RSBN1L: variants seen among roughly 807,000 people sequenced by gnomAD.
RSBN1L encodes lysine-specific demethylase RSBN1L.
RSBN1L carries 30 observed loss-of-function variants against 67.7 expected under a neutral mutation model. That is an observed-to-expected ratio of 0.44 (90% CI 0.33 to 0.60). The LOEUF is 0.60. Ranked by LOEUF, RSBN1L falls within the 20% of genes least tolerant of loss-of-function variation. The pLI, the probability that RSBN1L is intolerant of heterozygous loss-of-function variation, is 0.02. For synonymous variants in RSBN1L, 433 were observed against 387.0 expected, an observed-to-expected ratio of 1.12 and a Z score of -1.39; for missense variants, 992 against 1,031.7, an observed-to-expected ratio of 0.96 and a Z score of 0.53.
chr7:77,727,904 T>A (rs1306661039), intron 1 of RSBN1L, among the ~76,000 whole-genome samples: 1 of 152,232 alleles, frequency 6.6e-6, no homozygotes. Context: ...TATATGGCTT[T>A]CTTCATTTTT....
intron 1 of RSBN1L, among the ~76,000 whole-genome samples, chr7:77,725,907 A>C (rs1243997687): frequency 6.6e-6 from 1 of 152,056 alleles, no homozygotes; most frequent in East Asian, 1.9e-4. Context: ...TTATTTTTAA[A>C]AACCTAAATA....
At chr7:77,707,931 T>C (rs560113201) in intron 1 of RSBN1L, among the ~76,000 whole-genome samples, 22 of 152,338 alleles carry the variant, frequency 1.4e-4, no homozygotes, top group African/African-American at 5.1e-4. Flanking sequence ...ACAAGTCCTT[T>C]AAAGTTTAAT....
chr7:77,779,230 T>G lies in RSBN1L; in HGVS notation c.*62T>G. 1 of 1,205,636 alleles carries G rather than the reference T, an allele frequency of 8.3e-7. No individual in the cohort carries two copies. The highest frequency in any genetic ancestry group is 1.2e-6 in the Non-Finnish European group (1 of 867,956). 74.7% of individuals were successfully genotyped at this position (1,205,636 alleles called of 1,614,324 possible). A position where few individuals can be genotyped will look rare whatever the true frequency, so the allele number is the denominator to read the frequency against. On this transcript the variant is annotated 3_prime_UTR_variant, in exon 8 of 8. Transcript: ENST00000334955. ...ATTTAATGTAATAAAGATTCATGAA[T>G]TCTGAAAGCAAGCCAAGGACTTGCT...
At chr7:77,745,579 A>G (rs1791471908) in intron 2 of RSBN1L, among the ~76,000 whole-genome samples, 3 of 152,172 alleles carry the variant, frequency 2.0e-5, no homozygotes, top group African/African-American at 7.2e-5. Context: ...GAAATGAGGG[A>G]AAGCAACATG....
At chr7:77,733,925 G>A (rs533071430) in intron 1 of RSBN1L, among the ~76,000 whole-genome samples, 1 of 152,270 alleles carries the variant, frequency 6.6e-6, no homozygotes, top group Admixed American at 6.5e-5. Context: ...TTAGGAGTTC[G>A]AGACCAGCCT....
chr7:77,781,326 CT>C lies in RSBN1L; in HGVS notation c.*2159del, dbSNP rs1360903916. ...CCATGCTCCCCACCTATTTAATCTTCTGTTTTAAGCTAAATTTATGGATTTG... is the reference window on the plus strand; with the variant it reads ...CCATGCTCCCCACCTATTTAATCTTCGTTTTAAGCTAAATTTATGGATTTG... On this transcript the variant is annotated 3_prime_UTR_variant, in exon 8 of 8. Transcript: ENST00000334955. 2.0e-5 allele frequency: 3 copies of C among 152,222 alleles called. No homozygotes were observed. Among genetic ancestry groups the C allele is most frequent in the Non-Finnish European group, 4.4e-5 (3 of 68,034 alleles). 9.4% of individuals were successfully genotyped at this position (152,222 alleles called of 1,614,324 possible). A position where few individuals can be genotyped will look rare whatever the true frequency, so the allele number is the denominator to read the frequency against.
chr7:77,764,298 T>C (rs1490059979), intron 3 of RSBN1L, among the ~76,000 whole-genome samples: 2 of 152,224 alleles, frequency 1.3e-5, no homozygotes, highest in Non-Finnish European at 2.9e-5. Context: ...TTGTTTCGCT[T>C]GAAGACAGAC....
rs1790731917 is a variant in RSBN1L at position 77,696,682 on chromosome 7, G to T, written c.213G>T (p.Pro71=). Residue 71 remains proline, a synonymous_variant, in exon 1 of 8, where the codon CCG becomes CCT. Coordinates refer to ENST00000334955, the MANE Select transcript of RSBN1L (RefSeq NM_198467.3). Reference sequence around the variant, plus strand: ...GCGGGAACAGCAGGCAGCTGCAGCCGCCGGCAGCACCTTCGCCTCAGAGCT... The same window carrying T: ...GCGGGAACAGCAGGCAGCTGCAGCCTCCGGCAGCACCTTCGCCTCAGAGCT... ...GSGGNSRQLQ[P]PAAPSPQSYG... 1 of 1,612,138 alleles carries T rather than the reference G, an allele frequency of 6.2e-7. No homozygotes were observed. Among genetic ancestry groups the T allele is most frequent in the African/African-American group, 1.3e-5 (1 of 74,930 alleles).
chr7:77,740,674 G>A (rs1791396512), intron 2 of RSBN1L, among the ~76,000 whole-genome samples: 4 of 152,160 alleles, frequency 2.6e-5, no homozygotes, highest in African/African-American at 7.2e-5. Context: ...ACGAAAATTA[G>A]TGGTAGAATT....
chr7:77,779,992 C>T lies in RSBN1L; in HGVS notation c.*824C>T, dbSNP rs1327234333. The stretch of plus-strand genomic sequence containing the variant: ...GACTACAGGCACGCACCACAACACC[C>T]AGCTAATTTTTGTATTTTTAGTAGA... On this transcript the variant is annotated 3_prime_UTR_variant, in exon 8 of 8. Transcript: ENST00000334955. 1 of 152,016 alleles carries T rather than the reference C, an allele frequency of 6.6e-6. No homozygotes were observed. The highest frequency in any genetic ancestry group is 1.5e-5 in the Non-Finnish European group (1 of 68,066). 9.4% of individuals were successfully genotyped at this position (152,016 alleles called of 1,614,324 possible).
chr7:77,728,298 T>G (rs1193068658), intron 1 of RSBN1L, among the ~76,000 whole-genome samples: 3 of 152,238 alleles, frequency 2.0e-5, no homozygotes, highest in Non-Finnish European at 4.4e-5. Flanking sequence ...ATTGATAGTT[T>G]GGCAGATTAT....
intron 2 of RSBN1L, among the ~76,000 whole-genome samples, chr7:77,742,180 A>AT (rs60910312): frequency 0.044 from 3,580 of 82,024 alleles, 58 homozygotes; most frequent in African/African-American, 0.082. Flanking sequence ...AAAAAAAAAA[A>AT]ATACACACAC....
At chr7:77,724,923 A>C (rs1791175937) in intron 1 of RSBN1L, among the ~76,000 whole-genome samples, 1 of 149,010 alleles carries the variant, frequency 6.7e-6, no homozygotes, top group Non-Finnish European at 1.5e-5. Flanking sequence ...GTTCACTGCA[A>C]CCTCCGCCTC....
chr7:77,753,248 A>G (rs139587045), intron 3 of RSBN1L, among the ~76,000 whole-genome samples: 2 of 152,318 alleles, frequency 1.3e-5, no homozygotes, highest in East Asian at 1.9e-4. Context: ...AAATGTGCCT[A>G]TTTACATTCC....
At chr7:77,759,047 C>A (rs899800012) in intron 3 of RSBN1L, among the ~76,000 whole-genome samples, 8 of 152,108 alleles carry the variant, frequency 5.3e-5, no homozygotes, top group Non-Finnish European at 1.0e-4. Flanking sequence ...GATTAAAAGT[C>A]TATTATTTTA....
chr7:77,726,548 G>A (rs777482298), intron 1 of RSBN1L, among the ~76,000 whole-genome samples: 5 of 152,188 alleles, frequency 3.3e-5, no homozygotes, highest in Middle Eastern at 6.8e-3. Flanking sequence ...AAAATTTATA[G>A]TAAGAAGTGT....
At chr7:77,760,239 T>G (rs756806357) in intron 3 of RSBN1L, among the ~76,000 whole-genome samples, 1 of 152,198 alleles carries the variant, frequency 6.6e-6, no homozygotes, top group African/African-American at 2.4e-5. Flanking sequence ...AATATTAGTT[T>G]AAACAATTAT....
At chr7:77,716,421 G>A (rs1791048623) in intron 1 of RSBN1L, among the ~76,000 whole-genome samples, 1 of 148,238 alleles carries the variant, frequency 6.7e-6, no homozygotes, top group Non-Finnish European at 1.5e-5. Flanking sequence ...GAACTCTTGG[G>A]CTCAGATGAT....
chr7:77,734,135 A>G (rs1791303174), intron 1 of RSBN1L, among the ~76,000 whole-genome samples: 1 of 152,172 alleles, frequency 6.6e-6, no homozygotes, highest in Non-Finnish European at 1.5e-5. Context: ...CAAAAAAAGA[A>G]AAAAAAGTTT....
Sources: allele counts gnomAD v4.1 joint callset (sites outside exome capture counted in the v4.1 genomes callset), GRCh38; gene constraint gnomAD v4.1.1; transcripts MANE v1.5; gene names NCBI Gene and HGNC (gene_info 2026-07-23, HGNC 2026-07-21).